FOXJ2: variants seen among roughly 807,000 people sequenced by gnomAD.
FOXJ2 encodes the protein forkhead box protein J2.
Under a neutral mutation model 68.4 loss-of-function variants are expected in FOXJ2, and 18 were observed. The observed-to-expected ratio is 0.26, with a 90% CI of 0.18 to 0.39. The LOEUF is 0.39. Among genes scored for constraint, FOXJ2 ranks in the 10% least tolerant of loss-of-function variants. The pLI, the probability that FOXJ2 is intolerant of heterozygous loss-of-function variation, is 1.00. For missense variants in FOXJ2, 670 were observed against 726.5 expected (o/e 0.92, Z 0.89); for synonymous variants, 274 against 263.2 (o/e 1.04, Z -0.40).
intron 10 of FOXJ2, among the ~76,000 whole-genome samples, chr12:8,050,824 TCCCTTCCCCTCCCTTCCTTTCCCTTC>T (rs1947106635): frequency 1.2e-5 from 1 of 81,486 alleles, no homozygotes; most frequent in Non-Finnish European, 2.4e-5. Context: ...TCCCCTCCCC[TCCCTTCCCCTCCCTTCCTTTCCCTTC>T]CCCTTCCCTT....
rs746500310 is a variant in FOXJ2 at position 8,040,192 on chromosome 12, T to A, written c.333+27T>A. On this transcript the variant is annotated intron_variant, in intron 2 of 10. Coordinates refer to ENST00000162391, the MANE Select transcript of FOXJ2 (RefSeq NM_018416.3). This position sits in a 1 kb window ranked among gnomAD's most constrained non-coding sequence, Gnocchi z 4.0. ...TGGGAATGCTTCTATAATCTTGGCT[T>A]AGGTTTAGGCTTCAACAGCCTTTTT... 6 of 1,608,818 alleles carry A rather than the reference T, an allele frequency of 3.7e-6. No homozygotes were observed. In the South Asian group the frequency reaches 6.6e-5, roughly 18 times the overall value.
At position 8,042,682 on chromosome 12, in the gene FOXJ2, C is replaced by T; in HGVS notation, c.358C>T (p.Leu120Phe). Residue 120 changes from leucine (L) to phenylalanine (F), a missense_variant, in exon 3 of 11, where the codon CTC (leucine) becomes TTC (phenylalanine). This residue lies in a region of FOXJ2 where 115 missense variants were observed against 164.3 expected (regional missense o/e 0.70). Coordinates refer to ENST00000162391, the MANE Select transcript of FOXJ2 (RefSeq NM_018416.3). Reference protein sequence around the residue: ...WKNSIRHNLSLNKCFRKVPRP... With the variant: ...WKNSIRHNLSFNKCFRKVPRP... ...GAATTCAATACGGCACAACCTTTCTCTCAACAAGTGTTTCCGGAAGGTGCC... is the reference window on the plus strand; with the variant it reads ...GAATTCAATACGGCACAACCTTTCTTTCAACAAGTGTTTCCGGAAGGTGCC... 1 of 1,614,182 alleles carries T rather than the reference C, an allele frequency of 6.2e-7. No individual in the cohort carries two copies. The highest frequency in any genetic ancestry group is 1.7e-5 in the Admixed American group (1 of 60,018).
At chr12:8,046,575 C>A (rs888434557) in intron 6 of FOXJ2, among the ~76,000 whole-genome samples, 1 of 152,202 alleles carries the variant, frequency 6.6e-6, no homozygotes, top group African/African-American at 2.4e-5. Flanking sequence ...CTTGTCCGTG[C>A]ACATTTTCCT....
Position 8,038,753 on chromosome 12 carries a change from C to T in FOXJ2, c.-14-1066C>T, listed in dbSNP as rs1056186119. ...CTCTCTGCTGGCAAGAGTGCCCAGG[C>T]AGTGTGGGTGGCAGCAGGGCGTGCA... On this transcript the variant is annotated intron_variant, in intron 1 of 10. Coordinates refer to ENST00000162391, the MANE Select transcript of FOXJ2 (RefSeq NM_018416.3). This position sits in a 1 kb window ranked among gnomAD's most constrained non-coding sequence, Gnocchi z 5.3. Among the ~76,000 whole-genome samples the T allele has an allele frequency of 6.6e-6, 1 of 152,206 alleles. No individual in the cohort carries two copies. Among genetic ancestry groups the T allele is most frequent in the Non-Finnish European group, 1.5e-5 (1 of 68,032 alleles).
rs531784269 is a variant in FOXJ2 at position 8,054,185 on chromosome 12, G to A, written c.*1335G>A. ...GTGGAGGAGAGTAAATAATCTAGAG[G>A]CAAGAGTTCAGTGAGGGCCAAGGGG... On this transcript the variant is annotated 3_prime_UTR_variant, in exon 11 of 11. Coordinates refer to ENST00000162391, the MANE Select transcript of FOXJ2 (RefSeq NM_018416.3). 20 of 152,346 alleles carry A rather than the reference G, an allele frequency of 1.3e-4. No homozygotes were observed. The South Asian group carries it at 3.1e-3, about 24-fold the overall frequency. The allele number at this position is 152,346 out of a possible 1,614,324, so 9.4% of individuals were successfully genotyped here.
chr12:8,050,492 A>G (rs1037696600), intron 9 of FOXJ2, 30 bp from the exon 10 acceptor site: 6 of 1,601,366 alleles, frequency 3.7e-6, no homozygotes, highest in African/African-American at 1.4e-5. Flanking sequence ...GCCCCCCCCA[A>G]CTCAAGTAAC....
chr12:8,052,119 C>T (rs1376294522), intron 10 of FOXJ2, among the ~76,000 whole-genome samples: 5 of 152,136 alleles, frequency 3.3e-5, no homozygotes, highest in Admixed American at 1.3e-4. Flanking sequence ...CCACCCATCT[C>T]GGCCTCTCAA....
rs1947171866 is a variant in FOXJ2 at position 8,055,195 on chromosome 12, T to A, written c.*2345T>A. On this transcript the variant is annotated 3_prime_UTR_variant, in exon 11 of 11. Transcript: ENST00000162391. ...CTTTTTCTTGTTGGTCTAGCATTGC[T>A]GGACACAAAGTGTAGTCATTATTGT... 6.5e-6 allele frequency: 1 copy of A among 152,708 alleles called. No individual in the cohort carries two copies. Among genetic ancestry groups the A allele is most frequent in the Admixed American group, 6.5e-5 (1 of 15,286 alleles). 9.5% of individuals were successfully genotyped at this position (152,708 alleles called of 1,614,324 possible).
chr12:8,040,066 C>T lies in FOXJ2; in HGVS notation c.234C>T (p.Ala78=). The T allele has an allele frequency of 6.2e-7, 1 of 1,614,186 alleles. No homozygotes were observed. The highest frequency in any genetic ancestry group is 8.5e-7 in the Non-Finnish European group (1 of 1,180,036). ...GCTATGCCACTCTCATCACCTATGC[C>T]ATCAACTCCTCTCCAGCCAAGAAGA... ...RYSYATLITY[A]INSSPAKKMT... is the part of the protein sequence containing the mutation. Residue 78 remains alanine, a synonymous_variant, in exon 2 of 11, where the codon GCC becomes GCT. Coordinates refer to ENST00000162391, the MANE Select transcript of FOXJ2 (RefSeq NM_018416.3). This position sits in a 1 kb window ranked among gnomAD's most constrained non-coding sequence, Gnocchi z 4.0.
chr12:8,046,148 T>C (rs1345171631), intron 6 of FOXJ2, among the ~76,000 whole-genome samples: 1 of 152,122 alleles, frequency 6.6e-6, no homozygotes, highest in Non-Finnish European at 1.5e-5. Flanking sequence ...AGGGCAGTGA[T>C]TTTAGGGCTG....
chr12:8,049,953 A>G, intron 9 of FOXJ2: 1 of 281,316 alleles, frequency 3.6e-6, no homozygotes. Context: ...GAGAGATGTC[A>G]TGATTATGTT....
chr12:8,047,813 C>G (rs1947058164), intron 6 of FOXJ2, 69 bp from the exon 7 acceptor site: 1 of 1,516,842 alleles, frequency 6.6e-7, no homozygotes, highest in African/African-American at 1.4e-5. Context: ...CCATCTCAAC[C>G]CAGGGAAAAT....
rs1280954991 is a variant in FOXJ2 at position 8,049,545 on chromosome 12, GCAA to G, written c.1512_1514del (p.Lys505del). The G allele has an allele frequency of 6.2e-7, 1 of 1,606,330 alleles. No individual in the cohort carries two copies. Among genetic ancestry groups the G allele is most frequent in the African/African-American group, 1.3e-5 (1 of 74,782 alleles). ...GCTGACTCCTGTGCCCTCACCAGTG[GCAA>G]ACAGGAGTCAGCCATGAGCCAAGGT... On this transcript the variant is annotated inframe_deletion, in exon 9 of 11. Coordinates refer to ENST00000162391, the MANE Select transcript of FOXJ2 (RefSeq NM_018416.3).
chr12:8,047,987 C>A lies in FOXJ2; in HGVS notation c.923C>A (p.Pro308Gln). 6.2e-7 allele frequency: 1 copy of A among 1,613,762 alleles called. No homozygotes were observed. Among genetic ancestry groups the A allele is most frequent in the Non-Finnish European group, 8.5e-7 (1 of 1,179,856 alleles). Reference protein sequence around the residue: ...PQQQQQQQQPPQPPPQQSQPQ... With the variant: ...PQQQQQQQQPQQPPPQQSQPQ... Reference sequence around the variant, plus strand: ...CAGCAGCAGCAGCAGCAGCAGCCGCCACAGCCACCTCCCCAGCAGTCCCAG... The same window carrying A: ...CAGCAGCAGCAGCAGCAGCAGCCGCAACAGCCACCTCCCCAGCAGTCCCAG... Residue 308 changes from proline to glutamine, a missense_variant, in exon 7 of 11, where the codon CCA (proline) becomes CAA (glutamine). Around this residue, in one of 2 missense-constraint regions of FOXJ2, gnomAD observed 555 missense variants for 562.2 expected, o/e 0.99. Coordinates refer to ENST00000162391, the MANE Select transcript of FOXJ2 (RefSeq NM_018416.3).
chr12:8,049,417 T>C lies in FOXJ2; in HGVS notation c.1383T>C (p.His461=). The C allele has an allele frequency of 6.2e-7, 1 of 1,614,114 alleles. No homozygotes were observed. Among genetic ancestry groups the C allele is most frequent in the East Asian group, 2.2e-5 (1 of 44,878 alleles). Residue 461 remains histidine (H), a synonymous_variant, in exon 9 of 11, where the codon CAT becomes CAC. Coordinates refer to ENST00000162391, the MANE Select transcript of FOXJ2 (RefSeq NM_018416.3). ...AGAAGAACTGGACCCTCGACCAGCA[T>C]CACATTGCCAATCTGTGTGACTCCC... ...AEQKNWTLDQ[H]HIANLCDSLN... is the part of the protein sequence containing the mutation.
At position 8,052,955 on chromosome 12, in the gene FOXJ2, A is replaced by C. The variant is rs770335643; in HGVS notation, c.*105A>C. The C allele has an allele frequency of 4.2e-6, 3 of 709,758 alleles. No homozygotes were observed. In the African/African-American group the frequency reaches 5.3e-5, roughly 12 times the overall value. The allele number at this position is 709,758 out of a possible 1,614,324, so 44.0% of individuals were successfully genotyped here. ...CTTCCCCCCGTCTGTATATAGACAT[A>C]TATCCTCTTTTTGTTCTTTCTCTGT... On this transcript the variant is annotated 3_prime_UTR_variant, in exon 11 of 11. Coordinates refer to ENST00000162391, the MANE Select transcript of FOXJ2 (RefSeq NM_018416.3).
intron 1 of FOXJ2, 89 bp from the exon 2 acceptor site, chr12:8,039,730 A>G: frequency 8.9e-7 from 1 of 1,118,278 alleles, no homozygotes; most frequent in Non-Finnish European, 1.3e-6. Context: ...TGGGAATGAG[A>G]GTAGGAAGAA....
In FOXJ2 at chr12:8,040,615, G is replaced by T. The variant is rs1443326695; in HGVS notation, c.333+450G>T. ...TTTTTGTATTTTTAGTAGAGATAGG[G>T]TTTCGCTATGTTGGCCAGGCTGGTC... On this transcript the variant is annotated intron_variant, in intron 2 of 10. Transcript: ENST00000162391. The surrounding 1 kb of genome is among the most constrained non-coding windows in gnomAD (Gnocchi z 4.0). 6.6e-6 allele frequency among the ~76,000 whole-genome samples: 1 copy of T among 151,776 alleles called. No homozygotes were observed. Among genetic ancestry groups the T allele is most frequent in the Non-Finnish European group, 1.5e-5 (1 of 67,946 alleles).
chr12:8,036,925 C>T (rs1260159233), intron 1 of FOXJ2, among the ~76,000 whole-genome samples: 1 of 152,068 alleles, frequency 6.6e-6, no homozygotes, highest in African/African-American at 2.4e-5. Flanking sequence ...CCCACCTCTA[C>T]TAAAAATACA....
Sources: gnomAD v4.1 joint callset for allele counts (sites outside exome capture counted in the v4.1 genomes callset) on GRCh38, gnomAD v4.1.1 for gene constraint, gnomAD v4.1.1 regional missense constraint, Gnocchi (gnomAD v3.1) non-coding constraint, MANE v1.5 for transcripts, NCBI Gene and HGNC (gene_info 2026-07-23, HGNC 2026-07-21) for gene names.